CFAP54: variants seen among roughly 807,000 people sequenced by gnomAD.
The protein encoded by CFAP54 is cilia- and flagella-associated protein 54.
CFAP54 carries 290 observed loss-of-function variants against 370.4 expected under a neutral mutation model. The observed-to-expected ratio is 0.78, with a 90% CI of 0.71 to 0.86. The LOEUF (loss-of-function observed/expected upper bound fraction) is 0.86, where lower values mean the gene tolerates loss of function less well. Among genes scored for constraint, CFAP54 ranks in the 40% least tolerant of loss-of-function variants. The probability of loss-of-function intolerance (pLI) is 0.00; values close to 1 mark genes in which losing one functional copy is unlikely to be tolerated. For synonymous variants in CFAP54, 1,206 were observed against 1,236.5 expected (o/e 0.98, Z 0.52); for missense variants, 3,399 against 3,528.7 (o/e 0.96, Z 0.93).
intron 64 of CFAP54, among the ~76,000 whole-genome samples, chr12:96,812,396 A>G (rs1021267096): frequency 5.3e-5 from 8 of 152,060 alleles, no homozygotes; most frequent in African/African-American, 1.9e-4. Flanking sequence ...CATCTCTCTT[A>G]ACTTTTTGCT....
chr12:96,568,407 G>A (rs966470496), intron 19 of CFAP54, among the ~76,000 whole-genome samples: 12 of 151,862 alleles, frequency 7.9e-5, no homozygotes, highest in African/African-American at 2.7e-4. Flanking sequence ...GGAACATGTC[G>A]AATATTTATT....
Position 96,594,436 on chromosome 12 carries a change from CTGTT to C in CFAP54, c.3507_3510del (p.Val1170TyrfsTer4). 6.5e-7 allele frequency: 1 copy of C among 1,529,316 alleles called. No homozygotes were observed. The highest frequency in any genetic ancestry group is 8.8e-7 in the Non-Finnish European group (1 of 1,142,148). 94.7% of individuals were successfully genotyped at this position (1,529,316 alleles called of 1,614,324 possible). On this transcript the variant is annotated frameshift_variant, in exon 25 of 68. Coordinates refer to ENST00000524981, the MANE Select transcript of CFAP54 (RefSeq NM_001306084.2). LOFTEE classifies it high-confidence loss of function. Reference sequence around the variant, plus strand: ...ATTTATCACAATATTGTTTTGGTACCTGTTGTACAGGTAAGGGTATTCCTCTCCC... The same window carrying C: ...ATTTATCACAATATTGTTTTGGTACCGTACAGGTAAGGGTATTCCTCTCCC...
At chr12:96,710,257 G>A (rs191190782) in intron 48 of CFAP54, among the ~76,000 whole-genome samples, 87 of 152,268 alleles carry the variant, frequency 5.7e-4, no homozygotes, top group Middle Eastern at 6.8e-3. Context: ...GGAAGGGTGC[G>A]CCACACCACT....
chr12:96,541,786 T>A (rs944984791), intron 14 of CFAP54, among the ~76,000 whole-genome samples: 2 of 152,180 alleles, frequency 1.3e-5, no homozygotes, highest in African/African-American at 4.8e-5. Context: ...TTTTCTTTCT[T>A]CTAATTCCTT....
At chr12:96,644,476 G>C (rs539415030) in intron 33 of CFAP54, 68 bp downstream of exon 33, 270 of 1,103,882 alleles carry the variant, frequency 2.4e-4, no homozygotes, top group Middle Eastern at 1.8e-3. Context: ...TGTATGTTCA[G>C]AGCTCCAATG....
intron 22 of CFAP54, among the ~76,000 whole-genome samples, chr12:96,583,677 C>T (rs560935086): frequency 6.6e-6 from 1 of 152,282 alleles, no homozygotes; most frequent in East Asian, 1.9e-4. Flanking sequence ...AAGGGTGTCT[C>T]AGGGAGGTTA....
chr12:96,729,766 C>T (rs1398611522), intron 50 of CFAP54, among the ~76,000 whole-genome samples: 1 of 152,198 alleles, frequency 6.6e-6, no homozygotes, highest in Non-Finnish European at 1.5e-5. Flanking sequence ...GCAGAAATCA[C>T]CCGTCTTCTG....
At chr12:96,828,516 C>A (rs537720689) in intron 65 of CFAP54, among the ~76,000 whole-genome samples, 1 of 152,236 alleles carries the variant, frequency 6.6e-6, no homozygotes, top group African/African-American at 2.4e-5. Flanking sequence ...TTCTTCCTTA[C>A]ATAAAATCAT....
At chr12:96,746,713 C>T (rs1203887206) in intron 55 of CFAP54, among the ~76,000 whole-genome samples, 1 of 152,176 alleles carries the variant, frequency 6.6e-6, no homozygotes, top group East Asian at 1.9e-4. Context: ...CCTCTGGTCA[C>T]ACTGCATCAC....
intron 66 of CFAP54, among the ~76,000 whole-genome samples, chr12:96,833,774 T>A (rs1959177948): frequency 6.6e-6 from 1 of 152,076 alleles, no homozygotes; most frequent in South Asian, 2.1e-4. Flanking sequence ...ATGATAATAG[T>A]CATGAAAATG....
rs1016255803 is a variant in CFAP54, at chr12:96,707,648, T to C, written c.6529-960T>C. 3.9e-5 allele frequency among the ~76,000 whole-genome samples: 6 copies of C among 152,232 alleles called. No homozygotes were observed. In the East Asian group the frequency reaches 7.7e-4, roughly 20 times the overall value. On this transcript the variant is annotated intron_variant, in intron 47 of 67. Coordinates refer to ENST00000524981, the MANE Select transcript of CFAP54 (RefSeq NM_001306084.2). ...GAATGTTTCTACAGAGATTAGCATA[T>C]TTATGATATAGGAGAGAATGGCTGA...
chr12:96,547,250 A>G (rs569008004), intron 14 of CFAP54, among the ~76,000 whole-genome samples: 39 of 152,280 alleles, frequency 2.6e-4, no homozygotes, highest in African/African-American at 2.6e-4. Context: ...CAGTGGCATG[A>G]TCTTCGCTCA....
At chr12:96,585,254 G>A (rs909757834) in intron 22 of CFAP54, among the ~76,000 whole-genome samples, 2 of 152,130 alleles carry the variant, frequency 1.3e-5, no homozygotes, top group South Asian at 4.1e-4. Flanking sequence ...TCCACCTCCC[G>A]TGTTCAAGCC....
chr12:96,752,935 T>A (rs149752383), intron 55 of CFAP54, among the ~76,000 whole-genome samples: 1 of 152,340 alleles, frequency 6.6e-6, no homozygotes, highest in African/African-American at 2.4e-5. Flanking sequence ...ACTGAGCTAC[T>A]GCTTTGTCCT....
intron 15 of CFAP54, among the ~76,000 whole-genome samples, chr12:96,550,908 G>A (rs1402021006): frequency 6.6e-6 from 1 of 152,160 alleles, no homozygotes; most frequent in African/African-American, 2.4e-5. Flanking sequence ...GATGGGGGTT[G>A]GAAAGGAGAC....
intron 55 of CFAP54, among the ~76,000 whole-genome samples, chr12:96,746,280 G>A (rs944474369): frequency 6.6e-6 from 1 of 152,004 alleles, no homozygotes; most frequent in East Asian, 1.9e-4. Context: ...CAAACCTACT[G>A]TAAGCCTCTG....
chr12:96,658,294 C>T lies in CFAP54; in HGVS notation c.5408C>T (p.Pro1803Leu). ...CTGAGAATACAGAAGTTCAAGGGCC[C>T]AGATATTACCCAACAACCTTGTGCA... ...LLLRIQKFKGPDITQQPCARY... is the reference protein window; with the variant it reads ...LLLRIQKFKGLDITQQPCARY... The change falls in exon 38 of 68, where the codon CCA becomes CTA. Residue 1803 changes from proline to leucine, a missense_variant. Around this residue, in one of 3 missense-constraint regions of CFAP54, gnomAD observed 2,796 missense variants for 2,869.7 expected, o/e 0.97. Coordinates refer to ENST00000524981, the MANE Select transcript of CFAP54 (RefSeq NM_001306084.2). 1 of 1,614,084 alleles carries T rather than the reference C, an allele frequency of 6.2e-7. No individual in the cohort carries two copies. The highest frequency in any genetic ancestry group is 8.5e-7 in the Non-Finnish European group (1 of 1,179,984).
intron 67 of CFAP54, among the ~76,000 whole-genome samples, chr12:96,861,557 G>A (rs1478739956): frequency 6.6e-6 from 1 of 152,172 alleles, no homozygotes; most frequent in Non-Finnish European, 1.5e-5. Context: ...CTTCTGAGAG[G>A]CAATATTGCA....
At position 96,723,833 on chromosome 12, in the gene CFAP54, C is replaced by G. The variant is rs532307738; in HGVS notation, c.6965+3268C>G. On this transcript the variant is annotated intron_variant, in intron 50 of 67. Coordinates refer to ENST00000524981, the MANE Select transcript of CFAP54 (RefSeq NM_001306084.2). ...CCTAATGCTATCCCTCCCCCCTCCC[C>G]CCACCCCACAACAGTCCCCAGAGTG... is the stretch of plus-strand genomic sequence containing the variant. Among the ~76,000 whole-genome samples, 127 of 106,022 alleles carry G rather than the reference C, an allele frequency of 1.2e-3. 1 individual carries two copies. Among genetic ancestry groups the G allele is most frequent in the African/African-American group, 4.3e-3 (117 of 27,034 alleles). The allele number at this position is 106,022 out of a possible 152,430, so 69.6% of individuals were successfully genotyped here.
Sources: gnomAD v4.1 joint callset for allele counts (sites outside exome capture counted in the v4.1 genomes callset) on GRCh38, gnomAD v4.1.1 for gene constraint, gnomAD v4.1.1 regional missense constraint, MANE v1.5 for transcripts, NCBI Gene and HGNC (gene_info 2026-07-23, HGNC 2026-07-21) for gene names.